AQR: variants seen among roughly 807,000 people sequenced by gnomAD.
The protein encoded by AQR is aquarius intron-binding spliceosomal factor, also known as RNA helicase aquarius.
A neutral mutation model predicts 180.5 loss-of-function variants in AQR; 61 were observed. The ratio of observed to expected loss-of-function variants is 0.34; its 90% CI spans 0.28 to 0.42. AQR has a LOEUF of 0.42. Among genes scored for constraint, AQR ranks in the 10% least tolerant of loss-of-function variants. AQR has a pLI of 1.00. For synonymous variants in AQR, 551 were observed against 588.8 expected (o/e 0.94, Z 0.93); for missense variants, 1,281 against 1,798.3 (o/e 0.71, Z 5.20).
At position 34,890,229 on chromosome 15, in the gene AQR, C is replaced by T. The variant is rs1347799370; in HGVS notation, c.2667G>A (p.Glu889=). 1 of 1,612,836 alleles carries T rather than the reference C, an allele frequency of 6.2e-7. No homozygotes were observed. The highest frequency in any genetic ancestry group is 1.7e-4 in the Middle Eastern group (1 of 6,054). The change falls in exon 24 of 35, where the codon GAG becomes GAA. Residue 889 remains glutamate (E), a synonymous_variant. Transcript: ENST00000156471. ...LGHGEEELET[E]KDFSRYGRVN... is the part of the protein sequence containing the mutation. ...CATTTGCTCACCTGCTGAAATCTTT[C>T]TCTGTCTCCAGCTCTTCTTCTCCAT... is the stretch of plus-strand genomic sequence containing the variant.
intron 5 of AQR, among the ~76,000 whole-genome samples, chr15:34,945,049 C>T (rs531938213): frequency 1.1e-4 from 16 of 152,316 alleles, no homozygotes; most frequent in African/African-American, 3.4e-4. Flanking sequence ...CTCCTTTTCA[C>T]CATATTGAAG....
At chr15:34,882,276 T>C (rs945114954) in intron 27 of AQR, among the ~76,000 whole-genome samples, 3 of 151,982 alleles carry the variant, frequency 2.0e-5, no homozygotes, top group African/African-American at 7.2e-5. Context: ...GTATGAGAAT[T>C]TGGTCAGACA....
rs564791709 is a variant in AQR, at chr15:34,937,261, G to A, written c.718+1476C>T. ...ACTGTGGTCTCGATCTCCTGACCTC[G>A]TGATCCACCCACCTCAGCCTCCCAA... On this transcript the variant is annotated intron_variant, in intron 9 of 34. Coordinates refer to ENST00000156471, the MANE Select transcript of AQR (RefSeq NM_014691.3). Among the ~76,000 whole-genome samples, 143 of 92,688 alleles carry A rather than the reference G, an allele frequency of 1.5e-3. No individual in the cohort carries two copies. In the Middle Eastern group the frequency reaches 0.018, roughly 12 times the overall value. The allele number at this position is 92,688 out of a possible 152,430, so 60.8% of individuals were successfully genotyped here. A position where few individuals can be genotyped will look rare whatever the true frequency, so the allele number is the denominator to read the frequency against.
At chr15:34,943,301 C>T (rs749671210) in intron 6 of AQR, 1 of 1,539,474 alleles carries the variant, frequency 6.5e-7, no homozygotes, top group Non-Finnish European at 8.9e-7. Context: ...GCATTGAGCC[C>T]AACTGCAGAT....
chr15:34,918,192 C>T, intron 15 of AQR, 66 bp downstream of exon 15: 5 of 1,540,800 alleles, frequency 3.2e-6, no homozygotes, highest in South Asian at 1.2e-5. Context: ...CCTATAATTG[C>T]CAATTATATA....
intron 4 of AQR, among the ~76,000 whole-genome samples, chr15:34,950,049 C>T (rs1325532039): frequency 4.9e-5 from 7 of 142,706 alleles, no homozygotes; most frequent in Non-Finnish European, 7.6e-5. Flanking sequence ...ATTTTCCTTT[C>T]GTATTTTTCA....
At position 34,897,622 on chromosome 15, in the gene AQR, G is replaced by T. The variant is rs930275995; in HGVS notation, c.2327C>A (p.Thr776Asn). 2 of 1,614,044 alleles carry T rather than the reference G, an allele frequency of 1.2e-6. No individual in the cohort carries two copies. The highest frequency in any genetic ancestry group is 1.3e-5 in the African/African-American group (1 of 75,036). Residue 776 changes from threonine to asparagine, a missense_variant, in exon 21 of 35, where the codon ACC (threonine) becomes AAC (asparagine). Physicochemically the swap from Thr to Asn is moderately conservative, Grantham distance 65. Around this residue, in one of 9 missense-constraint regions of AQR, gnomAD observed 112 missense variants for 128.6 expected, o/e 0.87. Transcript: ENST00000156471. Reference protein sequence around the residue: ...VEDEDTEEAKTLIVEPHVIPN... With the variant: ...VEDEDTEEAKNLIVEPHVIPN... ...AATAACATGGGGCTCAACAATTAAG[G>T]TTTTTGCTTCCTCGGTGTCTTCATC...
At chr15:34,907,395 A>G (rs867096867) in intron 17 of AQR, among the ~76,000 whole-genome samples, 17 of 152,238 alleles carry the variant, frequency 1.1e-4, no homozygotes, top group Middle Eastern at 3.2e-3. Context: ...CTGGAAGACA[A>G]GGATTATAAA....
chr15:34,922,649 G>A (rs1030854924), intron 13 of AQR, among the ~76,000 whole-genome samples: 2 of 151,936 alleles, frequency 1.3e-5, no homozygotes, highest in Non-Finnish European at 2.9e-5. Context: ...GATCTCCTGG[G>A]CTCAAGCAAT....
At chr15:34,916,882 C>CAAAAAAAAA (rs71119988) in intron 15 of AQR, among the ~76,000 whole-genome samples, 41 of 78,914 alleles carry the variant, frequency 5.2e-4, no homozygotes, top group East Asian at 1.4e-3. Flanking sequence ...TTCAGCAGAA[C>CAAAAAAAAA]AAAAAAAAAA....
chr15:34,899,760 G>A (rs560428839), intron 20 of AQR, among the ~76,000 whole-genome samples: 1 of 152,062 alleles, frequency 6.6e-6, no homozygotes, highest in East Asian at 1.9e-4. Flanking sequence ...CCACCCATAG[G>A]TATACTCAGT....
chr15:34,951,816 C>T (rs1023708422), intron 4 of AQR, among the ~76,000 whole-genome samples: 2 of 152,020 alleles, frequency 1.3e-5, no homozygotes, highest in African/African-American at 4.8e-5. Flanking sequence ...TGATTTTAAT[C>T]TGTCTTCTTG....
At chr15:34,896,646 G>A (rs1320892251) in intron 22 of AQR, among the ~76,000 whole-genome samples, 3 of 151,462 alleles carry the variant, frequency 2.0e-5, no homozygotes, top group Non-Finnish European at 2.9e-5. Flanking sequence ...TCAAGAGTTC[G>A]AGACCAGACT....
At chr15:34,946,726 C>T (rs537030919) in intron 5 of AQR, among the ~76,000 whole-genome samples, 244 of 138,230 alleles carry the variant, frequency 1.8e-3, no homozygotes, top group Non-Finnish European at 3.2e-3. Flanking sequence ...GCCCCCCACC[C>T]GGCCAGCCGC....
chr15:34,914,755 C>A, intron 16 of AQR, among the ~76,000 whole-genome samples: 1 of 152,296 alleles, frequency 6.6e-6, no homozygotes, highest in East Asian at 1.9e-4. Context: ...CTGACCTACT[C>A]CCTCTACATT....
intron 15 of AQR, among the ~76,000 whole-genome samples, chr15:34,917,348 T>C (rs1893610524): frequency 6.6e-6 from 1 of 152,184 alleles, no homozygotes; most frequent in African/African-American, 2.4e-5. Flanking sequence ...TTCAAAAAAG[T>C]CCTGAAATTT....
At chr15:34,860,801 T>C (rs1239244236) in intron 33 of AQR, among the ~76,000 whole-genome samples, 5 of 152,232 alleles carry the variant, frequency 3.3e-5, no homozygotes, top group Non-Finnish European at 7.3e-5. Flanking sequence ...GATTTTGGTG[T>C]CTATCAGAAT....
intron 27 of AQR, among the ~76,000 whole-genome samples, chr15:34,878,482 T>C (rs1047823090): frequency 1.6e-4 from 25 of 151,772 alleles, no homozygotes; most frequent in Admixed American, 1.5e-3. Context: ...ATTTTGTACA[T>C]TGTAAACACA....
chr15:34,909,719 T>C (rs1392102190), intron 17 of AQR, among the ~76,000 whole-genome samples: 1 of 152,196 alleles, frequency 6.6e-6, no homozygotes, highest in Non-Finnish European at 1.5e-5. Context: ...CAATTTTCCT[T>C]ACTGCTCTGC....
Sources: allele counts gnomAD v4.1 joint callset (sites outside exome capture counted in the v4.1 genomes callset), GRCh38; gene constraint gnomAD v4.1.1; regional missense constraint gnomAD v4.1.1; transcripts MANE v1.5; gene names NCBI Gene and HGNC (gene_info 2026-07-23, HGNC 2026-07-21).